Variants in SNTB1 observed in about 807,000 individuals in gnomAD.
SNTB1 encodes syntrophin beta 1, also known as beta-1-syntrophin.
In SNTB1, 36 loss-of-function variants were observed where a neutral mutation model predicts 48.9. That is an observed-to-expected ratio of 0.74 (90% CI 0.56 to 0.97). SNTB1 has a LOEUF of 0.97. SNTB1 is among the 50% of genes least tolerant of loss of function. The pLI, the probability that SNTB1 is intolerant of heterozygous loss-of-function variation, is 0.00. For synonymous variants in SNTB1, 299 were observed against 294.6 expected, an observed-to-expected ratio of 1.01 and a Z score of -0.15; for missense variants, 786 against 703.4, an observed-to-expected ratio of 1.12 and a Z score of -1.33.
intron 2 of SNTB1, among the ~76,000 whole-genome samples, chr8:120,633,010 G>T (rs1406324009): frequency 6.6e-6 from 1 of 152,176 alleles, no homozygotes; most frequent in Non-Finnish European, 1.5e-5. Flanking sequence ...ATTCACAGAG[G>T]ATTTTAATAA....
chr8:120,720,819 T>C (rs980965021), intron 1 of SNTB1, among the ~76,000 whole-genome samples: 6 of 152,202 alleles, frequency 3.9e-5, no homozygotes, highest in African/African-American at 1.4e-4. Flanking sequence ...GACTAGATCA[T>C]ATTTATTTGG....
intron 3 of SNTB1, among the ~76,000 whole-genome samples, chr8:120,613,220 G>T (rs1000784770): frequency 3.2e-4 from 49 of 151,974 alleles, no homozygotes; most frequent in African/African-American, 1.1e-3. Context: ...GCATGGTGGT[G>T]GGCGCCTATA....
chr8:120,705,384 A>C (rs778695564), intron 1 of SNTB1, among the ~76,000 whole-genome samples: 6 of 152,238 alleles, frequency 3.9e-5, no homozygotes, highest in Non-Finnish European at 8.8e-5. Flanking sequence ...AATTATTAGA[A>C]GTTATTCAAC....
intron 2 of SNTB1, among the ~76,000 whole-genome samples, chr8:120,644,622 T>C (rs2129685267): frequency 6.6e-6 from 1 of 152,268 alleles, no homozygotes; most frequent in East Asian, 1.9e-4. Flanking sequence ...GCAATAAACA[T>C]GCGTGTGCAT....
chr8:120,731,815 G>A (rs1258053810), intron 1 of SNTB1, among the ~76,000 whole-genome samples: 1 of 152,138 alleles, frequency 6.6e-6, no homozygotes, highest in Non-Finnish European at 1.5e-5. Context: ...TATACCATGG[G>A]CTTAATTCTG....
chr8:120,553,182 T>C (rs1281265159), intron 4 of SNTB1, among the ~76,000 whole-genome samples: 1 of 152,208 alleles, frequency 6.6e-6, no homozygotes, highest in Non-Finnish European at 1.5e-5. Context: ...TGGTGTTCTG[T>C]ATTATTCATC....
At chr8:120,649,362 T>C (rs1313365754) in intron 2 of SNTB1, among the ~76,000 whole-genome samples, 1 of 141,266 alleles carries the variant, frequency 7.1e-6, no homozygotes, top group East Asian at 2.0e-4. Flanking sequence ...ATGTCCTTTC[T>C]GTTTGTTAGT....
intron 1 of SNTB1, among the ~76,000 whole-genome samples, chr8:120,715,153 T>C (rs1163653216): frequency 6.6e-6 from 1 of 152,214 alleles, no homozygotes; most frequent in African/African-American, 2.4e-5. Flanking sequence ...CTCCATTTCC[T>C]TCAAAAAGAT....
rs575367072 is a variant in SNTB1, at chr8:120,779,406, G to A, written c.571+31867C>T. On this transcript the variant is annotated intron_variant, in intron 1 of 6. Coordinates refer to ENST00000517992, the MANE Select transcript of SNTB1 (RefSeq NM_021021.4). ...TAGTCCCAGCTACTTGGGAGGCTGAGGCAGGAGAATCGCTTGAACCTGGGA... is the reference window on the plus strand; with the variant it reads ...TAGTCCCAGCTACTTGGGAGGCTGAAGCAGGAGAATCGCTTGAACCTGGGA... Among the ~76,000 whole-genome samples, 9 of 152,266 alleles carry A rather than the reference G, an allele frequency of 5.9e-5. No homozygotes were observed. The South Asian group carries it at 1.7e-3, about 28-fold the overall frequency.
At chr8:120,678,575 CA>C (rs367850255) in intron 2 of SNTB1, among the ~76,000 whole-genome samples, 51 of 152,278 alleles carry the variant, frequency 3.3e-4, no homozygotes, top group African/African-American at 1.1e-3. Flanking sequence ...AAATCTTTAT[CA>C]AAACTCTTTT....
At chr8:120,577,753 G>A (rs1815974554) in intron 3 of SNTB1, among the ~76,000 whole-genome samples, 1 of 152,202 alleles carries the variant, frequency 6.6e-6, no homozygotes, top group African/African-American at 2.4e-5. Flanking sequence ...ACAGTATAAT[G>A]CAGACTTCTC....
At chr8:120,691,163 A>G (rs1015145383) in intron 2 of SNTB1, among the ~76,000 whole-genome samples, 1 of 152,234 alleles carries the variant, frequency 6.6e-6, no homozygotes, top group African/African-American at 2.4e-5. Flanking sequence ...ATATAATTAA[A>G]TGACCTGGGA....
intron 2 of SNTB1, among the ~76,000 whole-genome samples, chr8:120,642,758 A>G (rs1454027163): frequency 2.0e-5 from 3 of 152,150 alleles, no homozygotes; most frequent in Non-Finnish European, 4.4e-5. Context: ...CAAAAAATTT[A>G]AAAATTAGTC....
At chr8:120,666,998 A>T (rs1401476613) in intron 2 of SNTB1, among the ~76,000 whole-genome samples, 1 of 152,036 alleles carries the variant, frequency 6.6e-6, no homozygotes, top group Non-Finnish European at 1.5e-5. Flanking sequence ...TCTAACATCC[A>T]TGTCAGTTCT....
At chr8:120,732,199 C>T (rs1818864851) in intron 1 of SNTB1, among the ~76,000 whole-genome samples, 1 of 152,180 alleles carries the variant, frequency 6.6e-6, no homozygotes, top group Non-Finnish European at 1.5e-5. Context: ...TTTCAAGTCT[C>T]TTTCTGTCAT....
chr8:120,784,166 GT>G (rs1350181250), intron 1 of SNTB1, among the ~76,000 whole-genome samples: 1 of 152,004 alleles, frequency 6.6e-6, no homozygotes, highest in African/African-American at 2.4e-5. Flanking sequence ...GCTAATTTTT[GT>G]ATTTTTAGTA....
chr8:120,574,894 C>A (rs959021156), intron 4 of SNTB1, among the ~76,000 whole-genome samples, 192 bp downstream of exon 4: 1 of 152,166 alleles, frequency 6.6e-6, no homozygotes, highest in Non-Finnish European at 1.5e-5. Flanking sequence ...TTCTTTGTCT[C>A]TGTGTTGTTG....
chr8:120,574,609 C>T (rs1234855588), intron 4 of SNTB1, among the ~76,000 whole-genome samples: 1 of 152,122 alleles, frequency 6.6e-6, no homozygotes, highest in Non-Finnish European at 1.5e-5. Context: ...AGCCTGGCAG[C>T]CACCCTTCCA....
intron 2 of SNTB1, among the ~76,000 whole-genome samples, chr8:120,648,961 G>T (rs944120594): frequency 6.7e-6 from 1 of 150,268 alleles, no homozygotes; most frequent in Non-Finnish European, 1.5e-5. Context: ...GATCGCATCG[G>T]CTCCTGAGGC....
Sources: allele counts gnomAD v4.1 joint callset (sites outside exome capture counted in the v4.1 genomes callset), GRCh38; gene constraint gnomAD v4.1.1; transcripts MANE v1.5; gene names NCBI Gene and HGNC (gene_info 2026-07-23, HGNC 2026-07-21).